The following MARCHF1 variants were observed in gnomAD, a reference collection of about 807,000 sequenced individuals.
The protein encoded by MARCHF1 is E3 ubiquitin-protein ligase MARCHF1.
In MARCHF1, 40 loss-of-function variants were observed where a neutral mutation model predicts 54.2. That is an observed-to-expected ratio of 0.74 (90% CI 0.57 to 0.96). MARCHF1 has a LOEUF of 0.96. Among genes scored for constraint, MARCHF1 ranks in the 40% least tolerant of loss-of-function variants. The pLI, the probability that MARCHF1 is intolerant of heterozygous loss-of-function variation, is 0.00. For missense variants in MARCHF1, 586 were observed against 656.5 expected (o/e 0.89, Z 1.17); for synonymous variants, 236 against 236.3 (o/e 1.00, Z 0.01).
At chr4:164,032,312 GT>G (rs1363763484) in intron 2 of MARCHF1, among the ~76,000 whole-genome samples, 1 of 152,036 alleles carries the variant, frequency 6.6e-6, no homozygotes, top group Admixed American at 6.6e-5. Flanking sequence ...TTTTTGAAGA[GT>G]TTTTCATGTT....
At chr4:163,968,178 T>C (rs1347209086) in intron 3 of MARCHF1, among the ~76,000 whole-genome samples, 1 of 152,172 alleles carries the variant, frequency 6.6e-6, no homozygotes, top group Non-Finnish European at 1.5e-5. Flanking sequence ...TGTATCCATC[T>C]CCGTGAGAAC....
At chr4:164,325,475 C>G (rs1735253525) in intron 1 of MARCHF1, among the ~76,000 whole-genome samples, 1 of 151,650 alleles carries the variant, frequency 6.6e-6, no homozygotes, top group Admixed American at 6.6e-5. Flanking sequence ...AAGTTGGAAC[C>G]CTTTCTTACG....
At chr4:163,743,358 T>G (rs1377939158) in intron 4 of MARCHF1, among the ~76,000 whole-genome samples, 3 of 152,176 alleles carry the variant, frequency 2.0e-5, no homozygotes, top group Non-Finnish European at 4.4e-5. Context: ...GAGGCAGAAT[T>G]TCCAAGCATC....
At chr4:164,210,663 G>A (rs963068135) in intron 1 of MARCHF1, among the ~76,000 whole-genome samples, 1 of 152,040 alleles carries the variant, frequency 6.6e-6, no homozygotes, top group African/African-American at 2.4e-5. Flanking sequence ...TTCAGTTAAG[G>A]ACCTCAATAT....
chr4:163,632,229 T>C (rs1383857403), intron 5 of MARCHF1, among the ~76,000 whole-genome samples: 1 of 152,090 alleles, frequency 6.6e-6, no homozygotes, highest in Non-Finnish European at 1.5e-5. Flanking sequence ...CATGTTGAAA[T>C]GTAGGGGGAG....
At chr4:163,865,158 G>T (rs1319134042) in intron 3 of MARCHF1, among the ~76,000 whole-genome samples, 1 of 151,864 alleles carries the variant, frequency 6.6e-6, no homozygotes, top group Non-Finnish European at 1.5e-5. Context: ...ACTTTCTCAA[G>T]CTTCTGTTTC....
At chr4:164,154,991 A>G (rs6828548) in intron 1 of MARCHF1, among the ~76,000 whole-genome samples, 29,014 of 152,080 alleles carry the variant, frequency 0.19, 4,408 homozygotes, top group African/African-American at 0.41. Context: ...TCCAGCAGCT[A>G]ATTCTCCGAC....
intron 1 of MARCHF1, among the ~76,000 whole-genome samples, chr4:164,222,929 C>T (rs969904757): frequency 6.6e-6 from 1 of 151,972 alleles, no homozygotes; most frequent in Non-Finnish European, 1.5e-5. Context: ...ACTCACAGTT[C>T]CACATGGCTG....
intron 5 of MARCHF1, among the ~76,000 whole-genome samples, chr4:163,698,209 T>C (rs1744694858): frequency 6.6e-6 from 1 of 152,210 alleles, no homozygotes; most frequent in Admixed American, 6.6e-5. Context: ...TAAGCAGTTA[T>C]TTTGACAAAA....
At chr4:164,145,351 C>T (rs1215715657) in intron 1 of MARCHF1, among the ~76,000 whole-genome samples, 8 of 152,036 alleles carry the variant, frequency 5.3e-5, no homozygotes, top group East Asian at 3.9e-4. Flanking sequence ...ATACCAAAGC[C>T]GGGCAGAGAC....
chr4:163,626,694 C>T (rs765753265), intron 5 of MARCHF1, among the ~76,000 whole-genome samples: 46 of 151,910 alleles, frequency 3.0e-4, no homozygotes, highest in Non-Finnish European at 4.4e-4. Context: ...TTTGGGAGGC[C>T]GAGGCGGGTG....
chr4:163,782,390 G>A (rs1747489340), intron 4 of MARCHF1, among the ~76,000 whole-genome samples: 1 of 152,114 alleles, frequency 6.6e-6, no homozygotes, highest in African/African-American at 2.4e-5. Context: ...GGTCCAGCAG[G>A]CCGGGTGTGG....
chr4:164,273,947 A>T (rs1021760307), intron 1 of MARCHF1, among the ~76,000 whole-genome samples: 31 of 152,176 alleles, frequency 2.0e-4, no homozygotes, highest in Non-Finnish European at 3.8e-4. Context: ...AATAAATAAA[A>T]ATGTTCTTGA....
intron 3 of MARCHF1, among the ~76,000 whole-genome samples, chr4:163,899,238 C>T (rs1027196714): frequency 6.6e-5 from 10 of 152,326 alleles, no homozygotes; most frequent in Non-Finnish European, 1.3e-4. Flanking sequence ...TCCCCCTCCT[C>T]AATTCAATAT....
chr4:163,596,951 A>AATTATTATT (rs142972509), intron 7 of MARCHF1, among the ~76,000 whole-genome samples: 1 of 150,668 alleles, frequency 6.6e-6, no homozygotes, highest in Non-Finnish European at 1.5e-5. Context: ...TAATTACCCC[A>AATTATTATT]ATTATTATTA....
chr4:163,631,374 G>A (rs766064503), intron 5 of MARCHF1, among the ~76,000 whole-genome samples: 10 of 152,020 alleles, frequency 6.6e-5, no homozygotes, highest in Non-Finnish European at 1.3e-4. Context: ...TTTATTTTTA[G>A]TAGAGATGGG....
intron 4 of MARCHF1, among the ~76,000 whole-genome samples, chr4:163,847,426 T>C (rs1287331747): frequency 6.6e-6 from 1 of 152,068 alleles, no homozygotes; most frequent in East Asian, 1.9e-4. Flanking sequence ...TTTCTAGAGA[T>C]TGTTTATGTT....
At position 163,996,369 on chromosome 4, in the gene MARCHF1, A is replaced by G. The variant is rs1228619591; in HGVS notation, c.-247-7660T>C. On this transcript the variant is annotated intron_variant, in intron 2 of 9. Transcript: ENST00000514618. ...ATAATGAAAGAACTATTACTATAAA[A>G]TTATAATTTGTATTTTCTGCTGCTG... Among the ~76,000 whole-genome samples the G allele has an allele frequency of 3.9e-5, 6 of 152,176 alleles. No individual in the cohort carries two copies. The East Asian group carries it at 1.2e-3, about 29-fold the overall frequency.
chr4:164,276,585 T>C (rs1323933174), intron 1 of MARCHF1, among the ~76,000 whole-genome samples: 1 of 151,078 alleles, frequency 6.6e-6, no homozygotes, highest in Non-Finnish European at 1.5e-5. Flanking sequence ...AACATAAAGG[T>C]GACATTTTAA....
Sources: allele counts gnomAD v4.1 joint callset (sites outside exome capture counted in the v4.1 genomes callset), GRCh38; gene constraint gnomAD v4.1.1; transcripts MANE v1.5; gene names NCBI Gene and HGNC (gene_info 2026-07-23, HGNC 2026-07-21).